The following DDX1 variants were observed in gnomAD, a reference collection of about 807,000 sequenced individuals.
The protein encoded by DDX1 is ATP-dependent RNA helicase DDX1.
Under a neutral mutation model 108.7 loss-of-function variants are expected in DDX1, and 28 were observed. The ratio of observed to expected loss-of-function variants is 0.26; its 90% CI spans 0.19 to 0.35. The LOEUF is 0.35. Ranked by LOEUF, DDX1 falls within the 10% of genes least tolerant of loss-of-function variation. The pLI is 1.00. For synonymous variants in DDX1, 295 were observed against 288.9 expected, an observed-to-expected ratio of 1.02 and a Z score of -0.21; for missense variants, 710 against 884.5, an observed-to-expected ratio of 0.80 and a Z score of 2.50.
Position 15,630,946 on chromosome 2 carries a change from T to G in DDX1, c.*40T>G. On this transcript the variant is annotated 3_prime_UTR_variant, in exon 26 of 26. Transcript: ENST00000233084. Reference sequence around the variant, plus strand: ...GAATAAGATTTGAGTAATGAAAGTCTGTAGTCTTAAAACTCTAAAACAGTT... The same window carrying G: ...GAATAAGATTTGAGTAATGAAAGTCGGTAGTCTTAAAACTCTAAAACAGTT... 2 of 1,604,100 alleles carry G rather than the reference T, an allele frequency of 1.2e-6. No homozygotes were observed. The highest frequency in any genetic ancestry group is 3.3e-4 in the Middle Eastern group (2 of 6,032).
At chr2:15,628,319 T>A (rs1330836563) in intron 20 of DDX1, 126 bp from the exon 21 acceptor site, 4 of 662,462 alleles carry the variant, frequency 6.0e-6, no homozygotes, top group East Asian at 2.7e-5. Flanking sequence ...TAGGAGTATG[T>A]CGACCTCTAA....
In DDX1 at chr2:15,591,880, TGTCA is replaced by T. The variant is rs1219673009; in HGVS notation, c.-50_-47del. The T allele has an allele frequency of 1.4e-6, 2 of 1,466,084 alleles. No individual in the cohort carries two copies. The highest frequency in any genetic ancestry group is 9.0e-7 in the Non-Finnish European group (1 of 1,107,254). The allele number at this position is 1,466,084 out of a possible 1,614,324, so 90.8% of individuals were successfully genotyped here. On this transcript the variant is annotated 5_prime_UTR_variant, in exon 1 of 26. Coordinates refer to ENST00000233084, the MANE Select transcript of DDX1 (RefSeq NM_004939.3). Reference sequence around the variant, plus strand: ...AGCGCGCGCCGCCACTGCCACGCCGTGTCAGTCGGGAGGGAGGGAGCGAGCAGGC... The same window carrying T: ...AGCGCGCGCCGCCACTGCCACGCCGTGTCGGGAGGGAGGGAGCGAGCAGGC...
intron 10 of DDX1, 145 bp downstream of exon 10, chr2:15,604,654 T>C: frequency 3.2e-6 from 2 of 624,234 alleles, no homozygotes; most frequent in Non-Finnish European, 5.7e-6. Context: ...GCATTGACTA[T>C]GTGTAAGGTA....
intron 13 of DDX1, among the ~76,000 whole-genome samples, chr2:15,608,664 T>TTTTG (rs1491478042): frequency 9.7e-4 from 39 of 40,402 alleles, no homozygotes; most frequent in African/African-American, 1.3e-3. Context: ...TTTTTTTAGG[T>TTTTG]TTTTTTTTTT....
chr2:15,617,095 G>A, intron 14 of DDX1, 149 bp from the exon 15 acceptor site: 1 of 405,764 alleles, frequency 2.5e-6, no homozygotes, highest in Non-Finnish European at 4.3e-6. Context: ...GGCATTATCT[G>A]TAACTCCTTT....
At chr2:15,592,940 G>A (rs1303604698) in intron 1 of DDX1, among the ~76,000 whole-genome samples, 7 of 146,970 alleles carry the variant, frequency 4.8e-5, no homozygotes, top group Non-Finnish European at 1.0e-4. Context: ...GGGGGTGGGG[G>A]GATGTAGTCT....
chr2:15,598,438 T>C (rs1447474333), intron 5 of DDX1, among the ~76,000 whole-genome samples: 2 of 152,180 alleles, frequency 1.3e-5, no homozygotes, highest in African/African-American at 4.8e-5. Flanking sequence ...ATAATGGTTC[T>C]GAAAGTCACA....
rs964624138 is a variant in DDX1 at position 15,606,053 on chromosome 2, T to A, written c.702+27T>A. 24 of 1,564,626 alleles carry A rather than the reference T, an allele frequency of 1.5e-5. No individual in the cohort carries two copies. The African/African-American group carries it at 3.2e-4, about 21-fold the overall frequency. On this transcript the variant is annotated intron_variant, in intron 11 of 25. Coordinates refer to ENST00000233084, the MANE Select transcript of DDX1 (RefSeq NM_004939.3). Reference sequence around the variant, plus strand: ...TAATTAGGAATCTAGTTAGAAAAAATTTGCTGTGGTTGTAAGCTGCTTACT... The same window carrying A: ...TAATTAGGAATCTAGTTAGAAAAAAATTGCTGTGGTTGTAAGCTGCTTACT...
chr2:15,618,110 G>T, intron 15 of DDX1, 71 bp from the exon 16 acceptor site: 3 of 826,626 alleles, frequency 3.6e-6, no homozygotes. Flanking sequence ...AAAGATTTTT[G>T]ATACTGATTA....
At chr2:15,624,360 G>A (rs931831247) in intron 19 of DDX1, among the ~76,000 whole-genome samples, 2 of 152,114 alleles carry the variant, frequency 1.3e-5, no homozygotes. Flanking sequence ...TTATAACTTC[G>A]AGAATGTAAA....
chr2:15,605,806 A>T (rs1282995204), intron 10 of DDX1, 144 bp from the exon 11 acceptor site: 1 of 526,956 alleles, frequency 1.9e-6, no homozygotes, highest in African/African-American at 1.9e-5. Flanking sequence ...TAAAAAAATG[A>T]AGAAGCTGGC....
intron 1 of DDX1, 145 bp downstream of exon 1, chr2:15,592,094 C>A (rs186054176): frequency 3.8e-6 from 3 of 782,278 alleles, no homozygotes; most frequent in Non-Finnish European, 1.8e-6. Flanking sequence ...CTGATGGACC[C>A]GCGTTGCGGG....
intron 19 of DDX1, among the ~76,000 whole-genome samples, chr2:15,624,224 C>T (rs532934973): frequency 6.6e-6 from 1 of 152,178 alleles, no homozygotes; most frequent in South Asian, 2.1e-4. Context: ...CAAAAGAAAG[C>T]CAGTCTAGCT....
At chr2:15,604,584 C>A in intron 10 of DDX1, 75 bp downstream of exon 10, 1 of 984,502 alleles carries the variant, frequency 1.0e-6, no homozygotes, top group Non-Finnish European at 1.6e-6. Context: ...AATCCCCCCA[C>A]CCTGTTTTTC....
At chr2:15,621,740 C>T (rs1365694091) in intron 18 of DDX1, among the ~76,000 whole-genome samples, 6 of 151,980 alleles carry the variant, frequency 3.9e-5, no homozygotes, top group African/African-American at 1.5e-4. Flanking sequence ...ACAACCTCTG[C>T]CTCCCAGGCT....
intron 19 of DDX1, among the ~76,000 whole-genome samples, chr2:15,626,849 A>G (rs532488051): frequency 2.8e-4 from 43 of 152,298 alleles, no homozygotes; most frequent in African/African-American, 9.9e-4. Flanking sequence ...CCTTAAAAGC[A>G]GGACAACTTT....
chr2:15,595,372 A>T (rs960724256), intron 2 of DDX1, 118 bp from the exon 3 acceptor site: 2 of 932,802 alleles, frequency 2.1e-6, no homozygotes, highest in Non-Finnish European at 3.4e-6. Flanking sequence ...TTTCTAGTGG[A>T]ATAAGATGGA....
At chr2:15,629,555 T>G in intron 23 of DDX1, 47 bp from the exon 24 acceptor site, 1 of 1,326,948 alleles carries the variant, frequency 7.5e-7, no homozygotes, top group Non-Finnish European at 1.1e-6. Flanking sequence ...ATATTTAGCA[T>G]GTCTCTATCT....
At position 15,611,585 on chromosome 2, in the gene DDX1, G is replaced by A. The variant is rs544108199; in HGVS notation, c.957-1639G>A. Reference sequence around the variant, plus strand: ...GGGCTGACCCCCCGACCTCCCTCCCGGACGGGGCGGCTGGCCGGGCAGAGG... The same window carrying A: ...GGGCTGACCCCCCGACCTCCCTCCCAGACGGGGCGGCTGGCCGGGCAGAGG... On this transcript the variant is annotated intron_variant, in intron 13 of 25. Transcript: ENST00000233084. Among the ~76,000 whole-genome samples, 133 of 119,592 alleles carry A rather than the reference G, an allele frequency of 1.1e-3. 2 individuals carry two copies. The highest frequency in any genetic ancestry group is 5.4e-3 in the Middle Eastern group (1 of 184). 78.5% of individuals were successfully genotyped at this position (119,592 alleles called of 152,430 possible). A position where few individuals can be genotyped will look rare whatever the true frequency, so the allele number is the denominator to read the frequency against.
Sources: allele counts gnomAD v4.1 joint callset (sites outside exome capture counted in the v4.1 genomes callset), GRCh38; gene constraint gnomAD v4.1.1; transcripts MANE v1.5; gene names NCBI Gene and HGNC (gene_info 2026-07-23, HGNC 2026-07-21).